The following ZNF644 variants were observed in gnomAD, a reference collection of about 807,000 sequenced individuals.
ZNF644 encodes the protein zinc finger protein 644, also known as zinc finger motif enhancer binding protein 2.
ZNF644 carries 20 observed loss-of-function variants against 108.0 expected under a neutral mutation model. That is an observed-to-expected ratio of 0.19 (90% CI 0.13 to 0.27). The LOEUF is 0.27. ZNF644 is among the 10% of genes least tolerant of loss of function. The pLI is 1.00. For synonymous variants in ZNF644, 542 were observed against 539.1 expected (o/e 1.01, Z -0.08); for missense variants, 1,338 against 1,548.9 (o/e 0.86, Z 2.29).
chr1:90,940,331 T>G lies in ZNF644; in HGVS notation c.1023A>C (p.Ala341=), dbSNP rs150951076. 2 of 1,613,796 alleles carry G rather than the reference T, an allele frequency of 1.2e-6. No individual in the cohort carries two copies. Among genetic ancestry groups the G allele is most frequent in the Non-Finnish European group, 1.7e-6 (2 of 1,179,972 alleles). ...TTGATTCAGGCTTCACTTTTGATAA[T>G]GCATATTTCTGTGAGTCTACTGCTT... is the stretch of plus-strand genomic sequence containing the variant. The part of the protein sequence containing the change: ...ELQAVDSQKY[A]LSKVKPESTD... The change falls in exon 3 of 6, where the codon GCA becomes GCC. Residue 341 remains alanine, a synonymous_variant. Transcript: ENST00000337393.
chr1:90,987,644 A>T (rs1009649588), intron 1 of ZNF644, among the ~76,000 whole-genome samples: 1 of 151,950 alleles, frequency 6.6e-6, no homozygotes, highest in Non-Finnish European at 1.5e-5. Context: ...CTCATAAAGA[A>T]TTCAAAAGAA....
intron 2 of ZNF644, among the ~76,000 whole-genome samples, chr1:90,954,036 T>C (rs770078869): frequency 3.3e-5 from 5 of 152,186 alleles, no homozygotes; most frequent in Non-Finnish European, 7.3e-5. Flanking sequence ...TGCCTTAATA[T>C]TGACAATCAG....
intron 4 of ZNF644, among the ~76,000 whole-genome samples, chr1:90,924,463 G>A (rs1021383748): frequency 3.3e-5 from 5 of 151,932 alleles, no homozygotes; most frequent in Non-Finnish European, 5.9e-5. Context: ...TAAAATCTCC[G>A]TATTTCTGAT....
chr1:91,001,048 C>T (rs55833241), intron 1 of ZNF644, among the ~76,000 whole-genome samples: 3,737 of 152,124 alleles, frequency 0.025, 150 homozygotes, highest in African/African-American at 0.085. Context: ...AATTAATAGC[C>T]TACCAACCAA....
intron 4 of ZNF644, among the ~76,000 whole-genome samples, chr1:90,933,915 G>C (rs949113147): frequency 1.3e-5 from 2 of 152,126 alleles, no homozygotes; most frequent in African/African-American, 4.8e-5. Context: ...AAAACGTTAA[G>C]AGAATTCCAG....
chr1:91,018,918 A>G (rs557473003), intron 1 of ZNF644, among the ~76,000 whole-genome samples: 1 of 152,332 alleles, frequency 6.6e-6, no homozygotes, highest in Admixed American at 6.5e-5. Flanking sequence ...CAGGTGACAG[A>G]CCACTTTATA....
At chr1:90,970,208 C>A (rs192249644) in intron 2 of ZNF644, among the ~76,000 whole-genome samples, 228 of 152,296 alleles carry the variant, frequency 1.5e-3, no homozygotes, top group African/African-American at 5.2e-3. Context: ...AACTTAGCTC[C>A]TGTATAATTG....
chr1:91,007,494 G>A (rs1475587408), intron 1 of ZNF644, among the ~76,000 whole-genome samples: 4 of 151,872 alleles, frequency 2.6e-5, no homozygotes, highest in Non-Finnish European at 4.4e-5. Flanking sequence ...GATTACAGGC[G>A]TGAGCCACTG....
chr1:90,950,307 GACAA>G (rs1652982508), intron 2 of ZNF644, among the ~76,000 whole-genome samples: 18 of 45,164 alleles, frequency 4.0e-4, no homozygotes, highest in African/African-American at 1.0e-3. Context: ...GAGGGGAGGG[GACAA>G]AAGAAAAGAA....
intron 1 of ZNF644, among the ~76,000 whole-genome samples, chr1:91,016,894 G>A (rs893422623): frequency 7.2e-5 from 11 of 152,246 alleles, no homozygotes; most frequent in African/African-American, 2.2e-4. Context: ...GCAGTGGCAC[G>A]GCATCTCTGC....
chr1:90,931,388 C>T (rs762206974), intron 4 of ZNF644, among the ~76,000 whole-genome samples: 5 of 149,068 alleles, frequency 3.4e-5, no homozygotes, highest in Admixed American at 6.7e-5. Flanking sequence ...AAAAAAACCC[C>T]TACCATTACT....
At chr1:90,927,707 G>A (rs1410857101) in intron 4 of ZNF644, among the ~76,000 whole-genome samples, 3 of 152,126 alleles carry the variant, frequency 2.0e-5, no homozygotes, top group African/African-American at 4.8e-5. Context: ...TTATAGCTAA[G>A]AAATATAAAG....
chr1:90,964,537 T>C (rs964496343), intron 2 of ZNF644, among the ~76,000 whole-genome samples: 1 of 152,180 alleles, frequency 6.6e-6, no homozygotes, highest in African/African-American at 2.4e-5. Flanking sequence ...ACATTTACTA[T>C]ATTAAGTTGC....
At chr1:90,961,141 GTT>G (rs1654298691) in intron 2 of ZNF644, among the ~76,000 whole-genome samples, 1 of 152,106 alleles carries the variant, frequency 6.6e-6, no homozygotes, top group Non-Finnish European at 1.5e-5. Flanking sequence ...CGATGATGAC[GTT>G]TCATGGTGGC....
intron 1 of ZNF644, among the ~76,000 whole-genome samples, chr1:91,001,153 G>A (rs1658739554): frequency 6.6e-6 from 1 of 152,126 alleles, no homozygotes; most frequent in African/African-American, 2.4e-5. Flanking sequence ...CCAATCAATA[G>A]GAAAAGAGGG....
intron 1 of ZNF644, chr1:91,021,661 C>G (rs1570607754): frequency 7.5e-6 from 1 of 134,188 alleles, no homozygotes; most frequent in South Asian, 2.5e-4. Flanking sequence ...CCGCCGAGTC[C>G]CGCCCCGCGG....
intron 4 of ZNF644, among the ~76,000 whole-genome samples, chr1:90,929,963 C>T (rs1650535495): frequency 6.6e-6 from 1 of 152,172 alleles, no homozygotes; most frequent in Admixed American, 6.5e-5. Context: ...AGAATAGCAA[C>T]AATTGGGCTT....
intron 2 of ZNF644, among the ~76,000 whole-genome samples, chr1:90,961,909 C>T (rs1654375793): frequency 1.3e-5 from 2 of 152,080 alleles, no homozygotes; most frequent in Non-Finnish European, 2.9e-5. Flanking sequence ...TAGTCTCCAT[C>T]CAGATAGTCC....
rs1251520158 is a variant in ZNF644, at chr1:90,938,511, T to G, written c.2843A>C (p.Lys948Thr). 1 of 1,613,858 alleles carries G rather than the reference T, an allele frequency of 6.2e-7. No individual in the cohort carries two copies. The highest frequency in any genetic ancestry group is 8.5e-7 in the Non-Finnish European group (1 of 1,179,916). ...HLETADASLS[K>T]HSSVFHWTDL... ...AGTCCAATGAAAAACAGAACTATGC[T>G]TTGACAATGAAGCATCTGCAGTTTC... Residue 948 changes from lysine (K) to threonine (T), a missense_variant, in exon 3 of 6, where the codon AAG becomes ACG. Lys to Thr is a moderately conservative substitution (Grantham distance 78). Transcript: ENST00000337393. The surrounding 1 kb of genome is among the most constrained non-coding windows in gnomAD (Gnocchi z 4.2).
Sources: gnomAD v4.1 joint callset for allele counts (sites outside exome capture counted in the v4.1 genomes callset) on GRCh38, gnomAD v4.1.1 for gene constraint, Gnocchi (gnomAD v3.1) non-coding constraint, MANE v1.5 for transcripts, NCBI Gene and HGNC (gene_info 2026-07-23, HGNC 2026-07-21) for gene names.